PCDHA3: variants seen among roughly 807,000 people sequenced by gnomAD.
PCDHA3 encodes protocadherin alpha-3.
Under a neutral mutation model 62.2 loss-of-function variants are expected in PCDHA3, and 41 were observed. That is an observed-to-expected ratio of 0.66 (90% confidence interval 0.51 to 0.86). The LOEUF is 0.86. Among genes scored for constraint, PCDHA3 ranks in the 40% least tolerant of loss-of-function variants. PCDHA3 has a pLI of 0.00. For missense variants in PCDHA3, 1,304 were observed against 1,241.2 expected (o/e 1.05, Z -0.76); for synonymous variants, 640 against 555.4 (o/e 1.15, Z -2.14).
chr5:141,009,510 C>T (rs936602953), intron 3 of PCDHA3, 117 bp from the exon 4 acceptor site: 7 of 1,498,300 alleles, frequency 4.7e-6, no homozygotes, highest in Admixed American at 4.7e-5. Flanking sequence ...ACAAACAACT[C>T]GTGATTTTTC....
intron 1 of PCDHA3, among the ~76,000 whole-genome samples, chr5:140,959,419 A>G (rs1554224077): frequency 2.0e-5 from 3 of 152,150 alleles, no homozygotes; most frequent in Non-Finnish European, 4.4e-5. Context: ...TTGATCTGAG[A>G]ATTTGTGTAT....
intron 1 of PCDHA3, among the ~76,000 whole-genome samples, chr5:140,957,264 A>G (rs1554222901): frequency 1.3e-5 from 2 of 152,198 alleles, no homozygotes; most frequent in African/African-American, 2.4e-5. Flanking sequence ...ATATGTAAGC[A>G]CTAGTCCCCC....
chr5:140,804,947 G>T, intron 1 of PCDHA3: 7 of 1,265,582 alleles, frequency 5.5e-6, no homozygotes, highest in Admixed American at 3.0e-5. Flanking sequence ...TTGCTCCCTT[G>T]TCCATGAAGT....
intron 1 of PCDHA3, chr5:140,850,485 A>G: frequency 1.3e-6 from 2 of 1,597,954 alleles, no homozygotes; most frequent in Non-Finnish European, 1.7e-6. Context: ...GGCCACGGCC[A>G]CTGTGCTGGT....
chr5:140,946,327 G>C (rs2093929992), intron 1 of PCDHA3, among the ~76,000 whole-genome samples: 2 of 151,720 alleles, frequency 1.3e-5, no homozygotes, highest in Non-Finnish European at 3.0e-5. Flanking sequence ...AAAGAGGAAA[G>C]ATAACAAGTG....
At chr5:140,875,891 TA>T (rs2055921027) in intron 1 of PCDHA3, 3 of 1,614,128 alleles carry the variant, frequency 1.9e-6, no homozygotes, top group Middle Eastern at 3.3e-4. Flanking sequence ...GAACAAAAGG[TA>T]CCTGTTTCTG....
chr5:140,886,815 A>G (rs1251237856), intron 1 of PCDHA3, among the ~76,000 whole-genome samples: 1 of 149,622 alleles, frequency 6.7e-6, no homozygotes, highest in African/African-American at 2.5e-5. Context: ...TGACAGAGCA[A>G]GACTTCGTCT....
intron 1 of PCDHA3, among the ~76,000 whole-genome samples, chr5:140,947,178 C>T (rs1356075084): frequency 6.6e-6 from 1 of 151,188 alleles, no homozygotes. Context: ...GGTATATATT[C>T]ATGGTATACT....
intron 1 of PCDHA3, among the ~76,000 whole-genome samples, chr5:140,840,665 CA>C (rs1776810280): frequency 6.6e-6 from 1 of 151,998 alleles, no homozygotes; most frequent in Admixed American, 6.6e-5. Flanking sequence ...TATGCACATA[CA>C]TTTTTATTAC....
intron 1 of PCDHA3, chr5:140,876,905 C>T (rs782526620): frequency 2.5e-6 from 4 of 1,614,032 alleles, no homozygotes; most frequent in Non-Finnish European, 3.4e-6. Context: ...TTCACGGTGT[C>T]GGCATGGGAC....
intron 1 of PCDHA3, chr5:140,814,602 A>G (rs1361623602): frequency 6.6e-6 from 1 of 152,200 alleles, no homozygotes; most frequent in Non-Finnish European, 1.5e-5. Context: ...TGTATGTGCT[A>G]TCTTGTACTT....
At chr5:140,860,165 GT>G (rs1478173649) in intron 1 of PCDHA3, 2 of 147,750 alleles carry the variant, frequency 1.4e-5, no homozygotes, top group Non-Finnish European at 3.0e-5. Flanking sequence ...ATATATATAT[GT>G]ATATATATAT....
At chr5:140,889,169 G>A (rs2062128594) in intron 1 of PCDHA3, among the ~76,000 whole-genome samples, 1 of 151,182 alleles carries the variant, frequency 6.6e-6, no homozygotes, top group African/African-American at 2.4e-5. Flanking sequence ...AAGTATTCAA[G>A]TTATAAATAA....
chr5:140,866,259 T>C (rs2049241676), intron 1 of PCDHA3: 1 of 152,166 alleles, frequency 6.6e-6, no homozygotes, highest in South Asian at 2.1e-4. Context: ...CCTTCTTTCT[T>C]TACTGTGAAT....
chr5:140,910,924 A>G (rs568597600), intron 1 of PCDHA3, among the ~76,000 whole-genome samples: 2 of 152,260 alleles, frequency 1.3e-5, no homozygotes, highest in South Asian at 4.1e-4. Flanking sequence ...GCTTATATAA[A>G]TAAGAAAGCT....
rs782520846 is a variant in PCDHA3, at chr5:140,842,848, G to T, written c.2394+39257G>T. On this transcript the variant is annotated intron_variant, in intron 1 of 3. Coordinates refer to ENST00000522353, the MANE Select transcript of PCDHA3 (RefSeq NM_018906.3). ...AGCGCTCGCTGTCGAGCTACATTTC[G>T]GTGCACACGGAGAGCGGCAAGGTGT... The T allele has an allele frequency of 1.9e-6, 3 of 1,593,918 alleles. 1 individual carries two copies. Among genetic ancestry groups the T allele is most frequent in the Non-Finnish European group, 2.6e-6 (3 of 1,165,378 alleles).
Position 141,000,578 on chromosome 5 carries a change from C to T in PCDHA3, c.2543-9049C>T, listed in dbSNP as rs191579983. On this transcript the variant is annotated intron_variant, in intron 3 of 3. Coordinates refer to ENST00000522353, the MANE Select transcript of PCDHA3 (RefSeq NM_018906.3). ...GAGTAGCTGGGATTACAGGTGCCTG[C>T]CACCATGCCCAGCTAATTTTTGTAT... Among the ~76,000 whole-genome samples the T allele has an allele frequency of 3.1e-3, 460 of 150,716 alleles. 6 individuals carry two copies. Among genetic ancestry groups the T allele is most frequent in the Middle Eastern group, 0.01 (3 of 290 alleles).
chr5:140,834,516 G>A (rs1433865569), intron 1 of PCDHA3: 5 of 1,613,992 alleles, frequency 3.1e-6, no homozygotes, highest in African/African-American at 2.7e-5. Flanking sequence ...TGGCAACTTC[G>A]TGGGCCGCAT....
intron 1 of PCDHA3, chr5:140,876,557 A>C: frequency 6.2e-7 from 1 of 1,614,156 alleles, no homozygotes; most frequent in Admixed American, 1.7e-5. Context: ...GTGCAAGAGG[A>C]TGCTCAGGTG....
Sources: gnomAD v4.1 joint callset for allele counts (sites outside exome capture counted in the v4.1 genomes callset) on GRCh38, gnomAD v4.1.1 for gene constraint, MANE v1.5 for transcripts, NCBI Gene and HGNC (gene_info 2026-07-23, HGNC 2026-07-21) for gene names.